The following SGCD variants were observed in gnomAD, a reference collection of about 807,000 sequenced individuals.
The protein encoded by SGCD is sarcoglycan delta.
In SGCD, 18 loss-of-function variants were observed where a neutral mutation model predicts 36.6. The observed-to-expected ratio is 0.49, with a 90% CI of 0.34 to 0.73. The LOEUF is 0.73. SGCD is among the 30% of genes least tolerant of loss of function. The pLI is 0.01. For missense variants in SGCD, 387 were observed against 346.7 expected (o/e 1.12, Z -0.92); for synonymous variants, 133 against 130.6 (o/e 1.02, Z -0.12).
chr5:156,307,039 T>C (rs1331750991), intron 3 of SGCD, among the ~76,000 whole-genome samples: 1 of 124,642 alleles, frequency 8.0e-6, no homozygotes, highest in Non-Finnish European at 1.6e-5. Context: ...AATATAAGTT[T>C]TCTTTTTTTT....
chr5:155,882,120 T>C (rs1472616264), intron 1 of SGCD, among the ~76,000 whole-genome samples: 1 of 152,152 alleles, frequency 6.6e-6, no homozygotes, highest in Non-Finnish European at 1.5e-5. Context: ...TATTTTTCTT[T>C]TTTTTGAGAC....
intron 3 of SGCD, among the ~76,000 whole-genome samples, chr5:156,211,477 G>A (rs569862611): frequency 1.4e-4 from 21 of 152,004 alleles, no homozygotes; most frequent in South Asian, 4.2e-4. Flanking sequence ...GCGTGGTGGC[G>A]GGCGCCTGTA....
chr5:156,632,504 G>T (rs912452684), intron 6 of SGCD, among the ~76,000 whole-genome samples: 1 of 152,156 alleles, frequency 6.6e-6, no homozygotes, highest in Non-Finnish European at 1.5e-5. Flanking sequence ...GGCTTGCATT[G>T]GTCAGTGAGA....
At chr5:156,269,987 C>T (rs1055877211) in intron 3 of SGCD, among the ~76,000 whole-genome samples, 1 of 152,202 alleles carries the variant, frequency 6.6e-6, no homozygotes, top group Non-Finnish European at 1.5e-5. Context: ...GGTTGTCTTT[C>T]AGCATTTTAA....
intron 7 of SGCD, among the ~76,000 whole-genome samples, chr5:156,725,274 G>A (rs529508372): frequency 2.6e-4 from 39 of 152,290 alleles, no homozygotes; most frequent in African/African-American, 8.9e-4. Context: ...ATCAAGAAGC[G>A]TTGCATATCA....
At chr5:155,737,213 A>G in the SGCD span, among the ~76,000 whole-genome samples, 1 of 152,212 alleles carries the variant, frequency 6.6e-6, no homozygotes, top group Non-Finnish European at 1.5e-5. Flanking sequence ...CTTGCAAACG[A>G]CTATGAGGTA....
intron 4 of SGCD, among the ~76,000 whole-genome samples, chr5:156,584,656 TCACCTAGA>T (rs1226719651): frequency 1.7e-5 from 2 of 118,922 alleles, no homozygotes; most frequent in African/African-American, 6.8e-5. Flanking sequence ...CTTCTTTCTG[TCACCTAGA>T]GACTCAACAT....
At chr5:156,248,321 A>C (rs751158356) in intron 3 of SGCD, among the ~76,000 whole-genome samples, 1 of 152,156 alleles carries the variant, frequency 6.6e-6, no homozygotes, top group Non-Finnish European at 1.5e-5. Flanking sequence ...AGAGATCGAG[A>C]CCATCCTGGC....
intron 4 of SGCD, among the ~76,000 whole-genome samples, chr5:156,550,021 C>A (rs1000958208): frequency 1.3e-5 from 2 of 152,106 alleles, no homozygotes; most frequent in Admixed American, 1.3e-4. Context: ...GAGGTTTCTA[C>A]CATTATTATA....
intron 3 of SGCD, among the ~76,000 whole-genome samples, chr5:156,158,319 C>CT (rs1471448079): frequency 1.3e-5 from 2 of 151,696 alleles, no homozygotes; most frequent in South Asian, 2.1e-4. Flanking sequence ...GAGAGAATAA[C>CT]TTTTTTCTGT....
At chr5:156,379,778 G>A (rs2127746652) in intron 3 of SGCD, among the ~76,000 whole-genome samples, 1 of 152,206 alleles carries the variant, frequency 6.6e-6, no homozygotes, top group South Asian at 2.1e-4. Context: ...TTAAAGGAGA[G>A]TTAGTAGAAT....
rs191437061 is a variant in SGCD, at chr5:156,304,346, A to G, written c.-43-25188A>G. Among the ~76,000 whole-genome samples the G allele has an allele frequency of 6.6e-5, 10 of 152,278 alleles. No individual in the cohort carries two copies. The East Asian group carries it at 1.9e-3, about 29-fold the overall frequency. On this transcript the variant is annotated intron_variant, in intron 3 of 9. Transcript: ENST00000517913. The stretch of plus-strand genomic sequence containing the variant: ...TGAATCATGGGGACAGGTCTTTCCC[A>G]TGGTGTTCTTGTGATACAGAATAAG...
intron 7 of SGCD, among the ~76,000 whole-genome samples, chr5:156,707,011 G>T (rs1754770938): frequency 6.6e-6 from 1 of 152,144 alleles, no homozygotes; most frequent in Non-Finnish European, 1.5e-5. Flanking sequence ...ACAGGGGAAA[G>T]AACAGAATAA....
intron 3 of SGCD, among the ~76,000 whole-genome samples, chr5:156,189,148 C>A (rs1435347724): frequency 6.6e-6 from 1 of 152,194 alleles, no homozygotes; most frequent in Non-Finnish European, 1.5e-5. Context: ...CTTCTCTTTG[C>A]CTCCTTTAAC....
At position 155,960,152 on chromosome 5, in the gene SGCD, C is replaced by T. The variant is rs943913667; in HGVS notation, c.-282+89728C>T. ...TTTCTTCTCCCTCCCCTTCCATCTT[C>T]CTTCTCCTCTTCATTTCCACCTCTC... is the stretch of plus-strand genomic sequence containing the variant. On this transcript the variant is annotated intron_variant, in intron 1 of 9. Coordinates refer to the SGCD transcript ENST00000517913. Among the ~76,000 whole-genome samples, 6 of 151,990 alleles carry T rather than the reference C, an allele frequency of 3.9e-5. No homozygotes were observed. The East Asian group carries it at 9.7e-4, about 24-fold the overall frequency.
chr5:155,818,137 C>T, the SGCD span, among the ~76,000 whole-genome samples: 17 of 152,006 alleles, frequency 1.1e-4, no homozygotes, highest in Non-Finnish European at 2.4e-4. Flanking sequence ...AGATAAGGTA[C>T]GTATACAAAT....
intron 3 of SGCD, among the ~76,000 whole-genome samples, chr5:156,501,543 C>A (rs1365231648): frequency 6.6e-6 from 1 of 152,204 alleles, no homozygotes; most frequent in Non-Finnish European, 1.5e-5. Context: ...GAATGAAAAG[C>A]AAATGCCATA....
At chr5:156,286,680 G>A (rs1766606487) in intron 3 of SGCD, among the ~76,000 whole-genome samples, 1 of 152,136 alleles carries the variant, frequency 6.6e-6, no homozygotes, top group African/African-American at 2.4e-5. Flanking sequence ...GTTGTGGGTT[G>A]GGGGAGTGGG....
At chr5:156,668,349 T>G (rs1753141115) in intron 7 of SGCD, among the ~76,000 whole-genome samples, 1 of 152,234 alleles carries the variant, frequency 6.6e-6, no homozygotes, top group South Asian at 2.1e-4. Context: ...CCCTTTTCCC[T>G]ATTAGTATCG....
Sources: gnomAD v4.1 joint callset for allele counts (sites outside exome capture counted in the v4.1 genomes callset) on GRCh38, gnomAD v4.1.1 for gene constraint, MANE v1.5 for transcripts, NCBI Gene and HGNC (gene_info 2026-07-23, HGNC 2026-07-21) for gene names.